The following GSAP variants were observed in gnomAD, a reference collection of about 807,000 sequenced individuals.
The protein encoded by GSAP is gamma-secretase-activating protein.
Under a neutral mutation model 131.7 loss-of-function variants are expected in GSAP, and 118 were observed. The observed-to-expected ratio is 0.90, with a 90% confidence interval of 0.77 to 1.04. GSAP has a LOEUF of 1.04. GSAP is among the 50% of genes least tolerant of loss of function. GSAP has a pLI of 0.00. For missense variants in GSAP, 1,019 were observed against 1,013.2 expected, an observed-to-expected ratio of 1.01 and a Z score of -0.08; for synonymous variants, 381 against 363.4, an observed-to-expected ratio of 1.05 and a Z score of -0.55.
chr7:77,411,890 T>C (rs1190716542), intron 1 of GSAP, among the ~76,000 whole-genome samples: 2 of 152,146 alleles, frequency 1.3e-5, no homozygotes, highest in African/African-American at 4.8e-5. Flanking sequence ...TATTAAGATG[T>C]TGTCATGGCC....
chr7:77,335,404 C>T (rs1789833620), intron 19 of GSAP, among the ~76,000 whole-genome samples: 1 of 152,114 alleles, frequency 6.6e-6, no homozygotes, highest in Non-Finnish European at 1.5e-5. Context: ...TCATAAAAAG[C>T]ACGGCAAAGA....
At chr7:77,388,652 T>C (rs914100882) in intron 5 of GSAP, among the ~76,000 whole-genome samples, 1 of 152,242 alleles carries the variant, frequency 6.6e-6, no homozygotes, top group Non-Finnish European at 1.5e-5. Flanking sequence ...CTCAGTGACT[T>C]CACTGTGAAA....
chr7:77,337,245 C>T (rs1217061888), intron 19 of GSAP, among the ~76,000 whole-genome samples: 1 of 123,516 alleles, frequency 8.1e-6, no homozygotes, highest in East Asian at 2.7e-4. Flanking sequence ...CTCCACCTCC[C>T]AGGTTCAAGG....
chr7:77,314,424 T>C lies in GSAP; in HGVS notation c.2155A>G (p.Ile719Val). The C allele has an allele frequency of 6.2e-7, 1 of 1,613,748 alleles. No homozygotes were observed. The highest frequency in any genetic ancestry group is 8.5e-7 in the Non-Finnish European group (1 of 1,179,744). The stretch of plus-strand genomic sequence containing the variant: ...GTGAGAAGCAACACTCCACTGTCAA[T>C]GCAATGCAGCAGGTTATGCAAAGGG... The part of the protein sequence containing the change: ...CLPLHNLLHC[I>V]DSGVLLLTET... Residue 719 changes from isoleucine to valine, a missense_variant, in exon 27 of 31, where the codon ATT (isoleucine) becomes GTT (valine). By Grantham distance (29) the Ile-to-Val change is conservative. Transcript: ENST00000257626.
chr7:77,348,490 C>T (rs1792242827), intron 19 of GSAP, among the ~76,000 whole-genome samples: 1 of 152,138 alleles, frequency 6.6e-6, no homozygotes, highest in Non-Finnish European at 1.5e-5. Flanking sequence ...CAGCCTTCCC[C>T]CAGCTGTCCA....
intron 5 of GSAP, among the ~76,000 whole-genome samples, chr7:77,396,521 T>G (rs1446752551): frequency 6.6e-6 from 1 of 152,076 alleles, no homozygotes; most frequent in Non-Finnish European, 1.5e-5. Flanking sequence ...TAAAAGGTGG[T>G]GGGGAGGGGC....
intron 5 of GSAP, among the ~76,000 whole-genome samples, chr7:77,390,209 G>A (rs1327538178): frequency 1.6e-4 from 24 of 152,042 alleles, no homozygotes; most frequent in South Asian, 1.0e-3. Context: ...AGTAGGTTGC[G>A]AAAATTTTCT....
intron 5 of GSAP, among the ~76,000 whole-genome samples, chr7:77,393,887 T>A (rs925265097): frequency 1.3e-5 from 2 of 152,074 alleles, no homozygotes; most frequent in Non-Finnish European, 2.9e-5. Context: ...TTGGCCAGGC[T>A]GGTCTCAAAC....
At chr7:77,326,023 T>C (rs1213577288) in intron 23 of GSAP, among the ~76,000 whole-genome samples, 189 bp downstream of exon 23, 3 of 152,180 alleles carry the variant, frequency 2.0e-5, no homozygotes, top group African/African-American at 4.8e-5. Flanking sequence ...CCCCTTTGAC[T>C]ACACATTCCA....
intron 12 of GSAP, among the ~76,000 whole-genome samples, chr7:77,363,922 A>G (rs1271610826): frequency 6.6e-6 from 1 of 151,742 alleles, no homozygotes; most frequent in Non-Finnish European, 1.5e-5. Context: ...AATAATAATT[A>G]TAAGAGTTAC....
At chr7:77,374,223 G>A in intron 11 of GSAP, 68 bp from the exon 12 acceptor site, 1 of 771,028 alleles carries the variant, frequency 1.3e-6, no homozygotes, top group Non-Finnish European at 2.2e-6. Context: ...AAGGATGTGA[G>A]TAACCACTAA....
intron 26 of GSAP, chr7:77,314,863 C>A: frequency 6.0e-6 from 1 of 165,902 alleles, no homozygotes; most frequent in East Asian, 1.7e-4. Context: ...GGGATGAGGA[C>A]CATTTTGCTG....
intron 11 of GSAP, among the ~76,000 whole-genome samples, chr7:77,374,783 C>A (rs578246662): frequency 2.0e-5 from 3 of 152,168 alleles, no homozygotes; most frequent in South Asian, 2.1e-4. Context: ...TCTATTTAAT[C>A]GCAGGGAGAA....
At chr7:77,377,258 A>AAAAAAAAAAAAAAAAAAAT in intron 9 of GSAP, 28 bp downstream of exon 9, 61 of 1,400,580 alleles carry the variant, frequency 4.4e-5, no homozygotes, top group South Asian at 5.3e-5. Flanking sequence ...AAAAAAAAAA[A>AAAAAAAAAAAAAAAAAAAT]GGAGTGCCCG....
At chr7:77,323,507 C>T (rs1787929559) in intron 24 of GSAP, 140 bp downstream of exon 24, 1 of 539,030 alleles carries the variant, frequency 1.9e-6, no homozygotes, top group Non-Finnish European at 3.3e-6. Flanking sequence ...ATCTACAGCA[C>T]CAAATACTGA....
chr7:77,402,112 T>C (rs1395997890), intron 3 of GSAP, among the ~76,000 whole-genome samples: 2 of 152,124 alleles, frequency 1.3e-5, no homozygotes, highest in Non-Finnish European at 2.9e-5. Flanking sequence ...TAAAAACTTT[T>C]AGAGAAGGAT....
chr7:77,350,330 G>A (rs1426293222), intron 18 of GSAP, among the ~76,000 whole-genome samples: 2 of 146,308 alleles, frequency 1.4e-5, no homozygotes, highest in African/African-American at 2.5e-5. Context: ...GCTAAATGAC[G>A]AGTTAATGGG....
Position 77,374,059 on chromosome 7 carries a change from C to T in GSAP, c.871+11G>A, listed in dbSNP as rs1378226821. 8 of 1,418,874 alleles carry T rather than the reference C, an allele frequency of 5.6e-6. No homozygotes were observed. In the African/African-American group the frequency reaches 1.1e-4, roughly 20 times the overall value. 87.9% of individuals were successfully genotyped at this position (1,418,874 alleles called of 1,614,324 possible). On this transcript the variant is annotated intron_variant, in intron 12 of 30. Coordinates refer to ENST00000257626, the MANE Select transcript of GSAP (RefSeq NM_017439.4). ...CGGTTGAATAAATTGATAAATACAA[C>T]CCTAGTTTACCTGTATGGTTGGTAA...
chr7:77,390,607 T>C (rs2151091195), intron 5 of GSAP, among the ~76,000 whole-genome samples: 1 of 152,210 alleles, frequency 6.6e-6, no homozygotes, highest in African/African-American at 2.4e-5. Context: ...ATATGCAGCA[T>C]TATATCTGAG....
Sources: allele counts gnomAD v4.1 joint callset (sites outside exome capture counted in the v4.1 genomes callset), GRCh38; gene constraint gnomAD v4.1.1; transcripts MANE v1.5; gene names NCBI Gene and HGNC (gene_info 2026-07-23, HGNC 2026-07-21).